Variants in NFILZ observed in about 807,000 individuals in gnomAD.
The protein encoded by NFILZ is NFIL3 like basic leucine zipper.
In NFILZ at chr19:8,637,912, C is replaced by CA. The variant is rs35778716; in HGVS notation, c.-164+2188dup. On this transcript the variant is annotated intron_variant, in intron 3 of 5. Transcript: ENST00000691075. ...ACAAGAGCAAGACTAAAGATGGTCT[C>CA]AAAAAAAAAAAAAAAAAAAAAAGAA... Among the ~76,000 whole-genome samples the CA allele has an allele frequency of 0.017, 346 of 20,226 alleles. 20 individuals are homozygous for CA. The East Asian group carries it at 0.18, about 10-fold the overall frequency. 13.3% of individuals were successfully genotyped at this position (20,226 alleles called of 152,430 possible). A position where few individuals can be genotyped will look rare whatever the true frequency, so the allele number is the denominator to read the frequency against.
intron 3 of NFILZ, among the ~76,000 whole-genome samples, chr19:8,670,018 G>C (rs1197661804): frequency 2.0e-5 from 3 of 152,146 alleles, no homozygotes; most frequent in Non-Finnish European, 4.4e-5. Context: ...ATGAATTCTA[G>C]CAGGGATGGG....
chr19:8,678,185 C>CCATT lies in NFILZ; in HGVS notation c.*553_*554insTCAT, dbSNP rs2043127087. ...TCCATCCATCCATCCATCCATCCAT[C>CCATT]CATCCGTCCATCTATCCATCCATCC... On this transcript the variant is annotated 3_prime_UTR_variant, in exon 6 of 6. Transcript: ENST00000691075. Among the ~76,000 whole-genome samples, 1 of 70,606 alleles carries CCATT rather than the reference C, an allele frequency of 1.4e-5. No homozygotes were observed. Among genetic ancestry groups the CCATT allele is most frequent in the Admixed American group, 1.8e-4 (1 of 5,598 alleles). 46.3% of individuals were successfully genotyped at this position (70,606 alleles called of 152,430 possible).
intron 3 of NFILZ, among the ~76,000 whole-genome samples, chr19:8,659,843 A>C (rs2043021748): frequency 6.6e-6 from 1 of 151,984 alleles, no homozygotes. Context: ...AGGGGGTGGA[A>C]AAGAAGAATT....
chr19:8,657,007 A>C (rs1159027509), intron 3 of NFILZ, among the ~76,000 whole-genome samples: 1 of 149,408 alleles, frequency 6.7e-6, no homozygotes, highest in Admixed American at 6.7e-5. Flanking sequence ...GAGGGGATCC[A>C]GTTGTTGTAA....
chr19:8,647,885 T>C (rs1600143276), intron 3 of NFILZ, among the ~76,000 whole-genome samples: 1 of 133,346 alleles, frequency 7.5e-6, no homozygotes, highest in Admixed American at 7.7e-5. Context: ...TCAGGAAAAA[T>C]AGGGAAGCCA....
At chr19:8,656,207 TC>T (rs1555748319) in intron 3 of NFILZ, among the ~76,000 whole-genome samples, 1 of 142,058 alleles carries the variant, frequency 7.0e-6, no homozygotes, top group African/African-American at 2.6e-5. Flanking sequence ...GCCAGTGTTC[TC>T]CCTGCAGCCC....
intron 3 of NFILZ, among the ~76,000 whole-genome samples, chr19:8,656,086 G>A (rs1462757656): frequency 6.7e-6 from 1 of 149,902 alleles, no homozygotes; most frequent in African/African-American, 2.4e-5. Context: ...GGGACCACCA[G>A]GCACTGCCCA....
At position 8,680,103 on chromosome 19, in the gene NFILZ, T is replaced by C. The variant is rs1698630884; in HGVS notation, c.*2468T>C. ...CTCAGCTACTTGGGAGGCTGAGGCA[T>C]GAAAATCACTTGAACCCAGGAGGTG... is the stretch of plus-strand genomic sequence containing the variant. On this transcript the variant is annotated 3_prime_UTR_variant, in exon 6 of 6. Transcript: ENST00000691075. Among the ~76,000 whole-genome samples, 1 of 144,514 alleles carries C rather than the reference T, an allele frequency of 6.9e-6. No homozygotes were observed. The highest frequency in any genetic ancestry group is 2.1e-4 in the South Asian group (1 of 4,686). 94.8% of individuals were successfully genotyped at this position (144,514 alleles called of 152,430 possible).
intron 3 of NFILZ, among the ~76,000 whole-genome samples, chr19:8,662,712 C>T (rs1208729170): frequency 6.6e-6 from 1 of 151,132 alleles, no homozygotes; most frequent in Non-Finnish European, 1.5e-5. Flanking sequence ...TCTTGGCTCA[C>T]TGCAACCTCC....
chr19:8,655,883 G>C (rs1451575518), intron 3 of NFILZ, among the ~76,000 whole-genome samples: 1 of 151,772 alleles, frequency 6.6e-6, no homozygotes, highest in Non-Finnish European at 1.5e-5. Context: ...CGCTGTCTCT[G>C]GCCCTCTCTC....
chr19:8,641,223 T>C lies in NFILZ; in HGVS notation c.-164+5477T>C, dbSNP rs73503646. Among the ~76,000 whole-genome samples, 1,117 of 144,820 alleles carry C rather than the reference T, an allele frequency of 7.7e-3. 17 individuals are homozygous for C. Among genetic ancestry groups the C allele is most frequent in the African/African-American group, 0.028 (1,045 of 37,362 alleles). ...CACCACCACACCTGACTAATGTTTG[T>C]TTTTTTTTTGTAGAGATGGGGTCTC... On this transcript the variant is annotated intron_variant, in intron 3 of 5. Coordinates refer to ENST00000691075, the MANE Select transcript of NFILZ (RefSeq NM_001378600.1).
At chr19:8,644,796 C>T (rs528451050) in intron 3 of NFILZ, among the ~76,000 whole-genome samples, 6 of 148,282 alleles carry the variant, frequency 4.0e-5, no homozygotes, top group Admixed American at 2.7e-4. Flanking sequence ...ACTGAGTTTT[C>T]GCTCTTGTTG....
rs781953485 is a variant in NFILZ at position 8,636,811 on chromosome 19, C to T, written c.-164+1065C>T. ...TTCACCCTTTTGCCCAGGCTGGCCT[C>T]GAACTCCTGACCACAAGTGATCCGC... is the stretch of plus-strand genomic sequence containing the variant. On this transcript the variant is annotated intron_variant, in intron 3 of 5. Transcript: ENST00000691075. Among the ~76,000 whole-genome samples the T allele has an allele frequency of 2.0e-5, 3 of 151,794 alleles. No individual in the cohort carries two copies. In the South Asian group the frequency reaches 6.2e-4, roughly 31 times the overall value.
At chr19:8,657,226 C>T (rs143926920) in intron 3 of NFILZ, among the ~76,000 whole-genome samples, 6 of 151,614 alleles carry the variant, frequency 4.0e-5, no homozygotes, top group African/African-American at 1.2e-4. Flanking sequence ...CTCGGCTCAG[C>T]CTCCTGAGTA....
At chr19:8,652,580 G>A (rs538308714) in intron 3 of NFILZ, among the ~76,000 whole-genome samples, 2 of 152,312 alleles carry the variant, frequency 1.3e-5, no homozygotes, top group African/African-American at 2.4e-5. Flanking sequence ...AATGAGGCAA[G>A]AAAATAAAAT....
intron 3 of NFILZ, among the ~76,000 whole-genome samples, chr19:8,655,895 C>T (rs1399990324): frequency 6.6e-6 from 1 of 152,042 alleles, no homozygotes; most frequent in Non-Finnish European, 1.5e-5. Context: ...CCCTCTCTCT[C>T]CCTGGGTCTC....
intron 3 of NFILZ, among the ~76,000 whole-genome samples, chr19:8,647,783 G>C (rs1343098441): frequency 2.4e-5 from 1 of 40,832 alleles, no homozygotes; most frequent in Non-Finnish European, 5.3e-5. Flanking sequence ...ACACATGCGC[G>C]CGCGCGCGCG....
intron 3 of NFILZ, among the ~76,000 whole-genome samples, chr19:8,672,847 C>T (rs2043094749): frequency 6.6e-6 from 1 of 152,090 alleles, no homozygotes; most frequent in Non-Finnish European, 1.5e-5. Flanking sequence ...AACATATGAA[C>T]ACTGGTTTTA....
Position 8,680,562 on chromosome 19 carries a change from A to G in NFILZ, c.*2927A>G, listed in dbSNP as rs1044045645. Among the ~76,000 whole-genome samples the G allele has an allele frequency of 1.3e-5, 2 of 152,180 alleles. No homozygotes were observed. The highest frequency in any genetic ancestry group is 2.9e-5 in the Non-Finnish European group (2 of 68,034). On this transcript the variant is annotated 3_prime_UTR_variant, in exon 6 of 6. Coordinates refer to ENST00000691075, the MANE Select transcript of NFILZ (RefSeq NM_001378600.1). ...TCCAGGTACTGGGGAAAGAGAAGTG[A>G]ACACAATAGATGTGATTCCTGCCTC...
Sources: gnomAD v4.1 joint callset for allele counts (sites outside exome capture counted in the v4.1 genomes callset) on GRCh38, gnomAD v4.1.1 for gene constraint, MANE v1.5 for transcripts, NCBI Gene and HGNC (gene_info 2026-07-23, HGNC 2026-07-21) for gene names.